PIBF1: variants seen among roughly 807,000 people sequenced by gnomAD.
PIBF1 encodes progesterone-induced-blocking factor 1.
A neutral mutation model predicts 112.5 loss-of-function variants in PIBF1; 90 were observed. That is an observed-to-expected ratio of 0.80 (90% CI 0.67 to 0.95). The LOEUF (loss-of-function observed/expected upper bound fraction) is 0.95. Ranked by LOEUF, PIBF1 falls within the 40% of genes least tolerant of loss-of-function variation. The pLI, the probability that PIBF1 is intolerant of heterozygous loss-of-function variation, is 0.00. For synonymous variants in PIBF1, 301 were observed against 288.6 expected (o/e 1.04, Z -0.44); for missense variants, 915 against 852.3 (o/e 1.07, Z -0.92).
chr13:72,879,809 AAAAT>A (rs1341120170), intron 10 of PIBF1, among the ~76,000 whole-genome samples: 1 of 152,222 alleles, frequency 6.6e-6, no homozygotes, highest in African/African-American at 2.4e-5. Context: ...AATAAAAATA[AAAAT>A]AAATATTTAA....
intron 15 of PIBF1, among the ~76,000 whole-genome samples, chr13:72,972,471 C>T (rs1421605197): frequency 6.6e-6 from 1 of 152,170 alleles, no homozygotes; most frequent in Non-Finnish European, 1.5e-5. Flanking sequence ...CGAGACCAGC[C>T]TGGCCAGCAT....
chr13:72,943,994 G>A (rs188266593), intron 14 of PIBF1, among the ~76,000 whole-genome samples: 3 of 152,134 alleles, frequency 2.0e-5, no homozygotes, highest in East Asian at 3.9e-4. Flanking sequence ...TTAATCACTC[G>A]GTAAATGTAG....
At chr13:72,991,254 T>G (rs2043469009) in intron 16 of PIBF1, among the ~76,000 whole-genome samples, 1 of 151,382 alleles carries the variant, frequency 6.6e-6, no homozygotes, top group Non-Finnish European at 1.5e-5. Context: ...ACAGTTTATC[T>G]CTCTCATAGA....
intron 15 of PIBF1, among the ~76,000 whole-genome samples, chr13:72,972,382 G>A (rs999084363): frequency 1.3e-5 from 2 of 152,022 alleles, no homozygotes; most frequent in South Asian, 2.1e-4. Context: ...TGTTTTTACC[G>A]GCCAGGTGCG....
At chr13:72,863,035 T>C (rs1227241726) in intron 10 of PIBF1, among the ~76,000 whole-genome samples, 3 of 152,172 alleles carry the variant, frequency 2.0e-5, no homozygotes, top group African/African-American at 7.2e-5. Flanking sequence ...TTTGTACATA[T>C]ATAATGTTCT....
At chr13:72,826,862 G>C in intron 6 of PIBF1, 148 bp from the exon 7 acceptor site, 1 of 437,186 alleles carries the variant, frequency 2.3e-6, no homozygotes, top group Non-Finnish European at 4.1e-6. Flanking sequence ...AATCTGAAAA[G>C]TAGGTACTTT....
At chr13:72,877,084 A>G (rs113214429) in intron 10 of PIBF1, among the ~76,000 whole-genome samples, 1 of 152,140 alleles carries the variant, frequency 6.6e-6, no homozygotes, top group Non-Finnish European at 1.5e-5. Context: ...AGTTTGTATC[A>G]TCAGTAGATG....
chr13:72,859,825 G>A (rs981756443), intron 10 of PIBF1, among the ~76,000 whole-genome samples: 2 of 152,120 alleles, frequency 1.3e-5, no homozygotes, highest in Non-Finnish European at 2.9e-5. Flanking sequence ...TGATAACTGG[G>A]CACCCAAGCT....
chr13:72,835,964 T>G (rs569379675), intron 9 of PIBF1: 10 of 308,840 alleles, frequency 3.2e-5, no homozygotes, highest in Non-Finnish European at 6.4e-5. Flanking sequence ...CCAGGCATGG[T>G]GGCGGGCGCC....
chr13:72,854,375 G>C (rs751871296), intron 10 of PIBF1, among the ~76,000 whole-genome samples: 1 of 151,900 alleles, frequency 6.6e-6, no homozygotes, highest in East Asian at 1.9e-4. Context: ...CAATTATTGT[G>C]GATATTGAAA....
At chr13:72,945,744 CAAA>C (rs1408321876) in intron 14 of PIBF1, among the ~76,000 whole-genome samples, 1 of 151,718 alleles carries the variant, frequency 6.6e-6, no homozygotes, top group Non-Finnish European at 1.5e-5. Flanking sequence ...TTTGTTGAAT[CAAA>C]AAGCCAAAGC....
chr13:72,884,966 G>A (rs1184253698), intron 10 of PIBF1, among the ~76,000 whole-genome samples: 1 of 151,932 alleles, frequency 6.6e-6, no homozygotes, highest in Non-Finnish European at 1.5e-5. Flanking sequence ...CTTCTGTTTT[G>A]TATGCCCTCA....
intron 5 of PIBF1, among the ~76,000 whole-genome samples, chr13:72,810,641 C>T (rs1240294766): frequency 6.6e-6 from 1 of 152,006 alleles, no homozygotes; most frequent in East Asian, 1.9e-4. Context: ...TTCTTTTTAT[C>T]TTATCCAAGT....
At chr13:72,941,572 G>A (rs755811982) in intron 14 of PIBF1, among the ~76,000 whole-genome samples, 2 of 152,154 alleles carry the variant, frequency 1.3e-5, no homozygotes, top group Non-Finnish European at 2.9e-5. Flanking sequence ...TAAGCACGCA[G>A]AGATTTATCT....
chr13:72,846,294 C>G (rs2037876942), intron 9 of PIBF1, among the ~76,000 whole-genome samples: 1 of 152,146 alleles, frequency 6.6e-6, no homozygotes, highest in African/African-American at 2.4e-5. Flanking sequence ...TTTTCACATT[C>G]CATATTCTAT....
At chr13:72,817,922 A>G (rs1177028403) in intron 5 of PIBF1, among the ~76,000 whole-genome samples, 1 of 152,188 alleles carries the variant, frequency 6.6e-6, no homozygotes, top group South Asian at 2.1e-4. Flanking sequence ...TACGAAAGTA[A>G]TAATTTCGTT....
intron 9 of PIBF1, chr13:72,835,987 T>G (rs970353026): frequency 3.0e-6 from 1 of 330,918 alleles, no homozygotes; most frequent in East Asian, 8.6e-5. Context: ...TAATCCCAGC[T>G]ACTCGGGAGG....
At chr13:72,831,932 T>G (rs2037135559) in intron 8 of PIBF1, among the ~76,000 whole-genome samples, 1 of 152,162 alleles carries the variant, frequency 6.6e-6, no homozygotes, top group African/African-American at 2.4e-5. Flanking sequence ...GGTGTTCCTG[T>G]AATGGGTGCA....
intron 16 of PIBF1, among the ~76,000 whole-genome samples, chr13:72,992,268 T>C (rs746791083): frequency 8.5e-5 from 13 of 152,230 alleles, no homozygotes; most frequent in Non-Finnish European, 1.9e-4. Flanking sequence ...TTTACAGTTT[T>C]TGAATTTTAC....
Sources: gnomAD v4.1 joint callset for allele counts (sites outside exome capture counted in the v4.1 genomes callset) on GRCh38, gnomAD v4.1.1 for gene constraint, MANE v1.5 for transcripts, NCBI Gene and HGNC (gene_info 2026-07-23, HGNC 2026-07-21) for gene names.